FAM83B: variants seen among roughly 807,000 people sequenced by gnomAD.
FAM83B encodes protein FAM83B.
Under a neutral mutation model 38.8 loss-of-function variants are expected in FAM83B, and 26 were observed. That is an observed-to-expected ratio of 0.67 (90% confidence interval 0.49 to 0.93). FAM83B has a LOEUF of 0.93. Among genes scored for constraint, FAM83B ranks in the 40% least tolerant of loss-of-function variants. FAM83B has a pLI of 0.00. For missense variants in FAM83B, 1,237 were observed against 1,197.3 expected, an observed-to-expected ratio of 1.03 and a Z score of -0.49; for synonymous variants, 419 against 423.1, an observed-to-expected ratio of 0.99 and a Z score of 0.12.
chr6:54,912,820 A>G (rs2127584986), intron 2 of FAM83B, among the ~76,000 whole-genome samples: 1 of 152,120 alleles, frequency 6.6e-6, no homozygotes, highest in South Asian at 2.1e-4. Flanking sequence ...TGCATAATTT[A>G]CGGAAGCTAT....
intron 2 of FAM83B, among the ~76,000 whole-genome samples, chr6:54,906,174 A>G (rs1320305268): frequency 3.9e-5 from 6 of 152,114 alleles, no homozygotes. Flanking sequence ...GGCATTTTCA[A>G]AGGACCACAA....
chr6:54,934,429 G>A lies in FAM83B; in HGVS notation c.735-5277G>A, dbSNP rs958362340. Among the ~76,000 whole-genome samples the A allele has an allele frequency of 3.3e-5, 5 of 152,220 alleles. 1 individual carries two copies. The highest frequency in any genetic ancestry group is 3.3e-4 in the Admixed American group (5 of 15,264). ...GACTGGGGACCTGGCAACTTTACAG[G>A]AGAATCCCCGACTATCAATATAAAT... On this transcript the variant is annotated intron_variant, in intron 4 of 4. Transcript: ENST00000306858.
At position 54,940,105 on chromosome 6, in the gene FAM83B, T is replaced by C. The variant is rs1333660931; in HGVS notation, c.1134T>C (p.Asn378=). ...ACGCAATACGTCAGTTTCAACCCAA[T>C]CAGATAAATGAAAATTGGAAAAGGC... is the stretch of plus-strand genomic sequence containing the variant. ...GPNAIRQFQP[N]QINENWKRHS... Residue 378 remains asparagine, a synonymous_variant, in exon 5 of 5, where the codon AAT becomes AAC. Transcript: ENST00000306858. The C allele has an allele frequency of 2.5e-6, 4 of 1,613,884 alleles. No individual in the cohort carries two copies. Among genetic ancestry groups the C allele is most frequent in the Non-Finnish European group, 3.4e-6 (4 of 1,180,006 alleles).
At chr6:54,888,793 C>G (rs1772337477) in intron 2 of FAM83B, among the ~76,000 whole-genome samples, 1 of 151,760 alleles carries the variant, frequency 6.6e-6, no homozygotes, top group African/African-American at 2.4e-5. Flanking sequence ...AGTTTTCCTG[C>G]TGTTTTGGAA....
intron 2 of FAM83B, among the ~76,000 whole-genome samples, chr6:54,914,915 T>C (rs1219880604): frequency 6.6e-6 from 1 of 152,188 alleles, no homozygotes; most frequent in Non-Finnish European, 1.5e-5. Context: ...CACCAAAATA[T>C]GCCTTTTCAT....
intron 1 of FAM83B, among the ~76,000 whole-genome samples, chr6:54,869,174 GAATT>G (rs1163777508): frequency 6.6e-6 from 1 of 152,166 alleles, no homozygotes; most frequent in Non-Finnish European, 1.5e-5. Flanking sequence ...AGAAATTTCT[GAATT>G]ATCTTTCATG....
At chr6:54,883,883 C>T (rs6459034) in intron 2 of FAM83B, among the ~76,000 whole-genome samples, 97,926 of 151,740 alleles carry the variant, frequency 0.65, 33,537 homozygotes, top group East Asian at 0.88. Context: ...CAAAGAAATA[C>T]TTGCAGCTGA....
chr6:54,847,110 T>G (rs1771156607), intron 1 of FAM83B, among the ~76,000 whole-genome samples: 1 of 152,148 alleles, frequency 6.6e-6, no homozygotes, highest in Admixed American at 6.5e-5. Flanking sequence ...CGGAGTCGGT[T>G]TGGGTCCCCA....
rs147775708 is a variant in FAM83B, at chr6:54,940,317, C to A, written c.1346C>A (p.Ala449Glu). ...GCCCAGAGTTTTGCCAATCGGCTTG[C>A]GCAGAGAAAAACAACAAATCTTGCA... ...TPAQSFANRL[A>E]QRKTTNLADR... Residue 449 changes from alanine (A) to glutamate (E), a missense_variant, in exon 5 of 5, where the codon GCG (alanine) becomes GAG (glutamate). Coordinates refer to ENST00000306858, the MANE Select transcript of FAM83B (RefSeq NM_001010872.3). 2 of 1,613,876 alleles carry A rather than the reference C, an allele frequency of 1.2e-6. No individual in the cohort carries two copies. The highest frequency in any genetic ancestry group is 1.7e-6 in the Non-Finnish European group (2 of 1,180,004).
chr6:54,908,678 G>C (rs1195793353), intron 2 of FAM83B, among the ~76,000 whole-genome samples: 1 of 152,142 alleles, frequency 6.6e-6, no homozygotes, highest in Non-Finnish European at 1.5e-5. Flanking sequence ...CACCCAAATG[G>C]CAGTAACATG....
intron 1 of FAM83B, among the ~76,000 whole-genome samples, chr6:54,866,115 T>C (rs1771698978): frequency 6.6e-6 from 1 of 151,758 alleles, no homozygotes; most frequent in Admixed American, 6.6e-5. Context: ...GTGTAACTTG[T>C]CCAAGAGCTT....
At chr6:54,882,425 A>T (rs200995328) in intron 2 of FAM83B, among the ~76,000 whole-genome samples, 1 of 152,144 alleles carries the variant, frequency 6.6e-6, no homozygotes, top group African/African-American at 2.4e-5. Flanking sequence ...AGAGGTGAGG[A>T]ATAAAAAAAT....
rs115029833 is a variant in FAM83B, at chr6:54,929,824, A to G, written c.734+2192A>G. ...GTGTTTAGTGGAGCTGGGAGTAGACAGTTTTTTTTTAATCCATGAAAATAT... is the reference window on the plus strand; with the variant it reads ...GTGTTTAGTGGAGCTGGGAGTAGACGGTTTTTTTTTAATCCATGAAAATAT... On this transcript the variant is annotated intron_variant, in intron 4 of 4. Coordinates refer to ENST00000306858, the MANE Select transcript of FAM83B (RefSeq NM_001010872.3). Among the ~76,000 whole-genome samples, 1,177 of 152,136 alleles carry G rather than the reference A, an allele frequency of 7.7e-3. 8 individuals carry two copies. The highest frequency in any genetic ancestry group is 0.01 in the Middle Eastern group (3 of 294).
At chr6:54,868,978 T>G (rs2127574841) in intron 1 of FAM83B, among the ~76,000 whole-genome samples, 1 of 152,286 alleles carries the variant, frequency 6.6e-6, no homozygotes. Context: ...CATAAATCTG[T>G]ACCTTGAATC....
chr6:54,943,220 C>CCT lies in FAM83B; in HGVS notation c.*1213_*1214insCT, dbSNP rs1170709038. ...AGTTGTGCCAAATATGATATGACTG[C>CCT]ATAGTGTTTTTGTAAGAATACCATT... is the stretch of plus-strand genomic sequence containing the variant. On this transcript the variant is annotated 3_prime_UTR_variant, in exon 5 of 5. Coordinates refer to ENST00000306858, the MANE Select transcript of FAM83B (RefSeq NM_001010872.3). The CCT allele has an allele frequency of 1.3e-5, 2 of 152,108 alleles. No homozygotes were observed. Among genetic ancestry groups the CCT allele is most frequent in the African/African-American group, 4.8e-5 (2 of 41,426 alleles). 9.4% of individuals were successfully genotyped at this position (152,108 alleles called of 1,614,324 possible). A position where few individuals can be genotyped will look rare whatever the true frequency, so the allele number is the denominator to read the frequency against.
chr6:54,913,807 A>G (rs1387684075), intron 2 of FAM83B, among the ~76,000 whole-genome samples: 1 of 151,948 alleles, frequency 6.6e-6, no homozygotes, highest in Non-Finnish European at 1.5e-5. Flanking sequence ...CTTCCTTCGT[A>G]TCTCCCACTC....
chr6:54,940,430 A>G lies in FAM83B; in HGVS notation c.1459A>G (p.Thr487Ala), dbSNP rs773665194. 2.0e-5 allele frequency: 33 copies of G among 1,613,990 alleles called. No individual in the cohort carries two copies. Among genetic ancestry groups the G allele is most frequent in the Non-Finnish European group, 2.5e-5 (30 of 1,180,030 alleles). The change falls in exon 5 of 5, where the codon ACC (threonine) becomes GCC (alanine). Residue 487 changes from threonine (T) to alanine (A), a missense_variant. Thr to Ala is a moderately conservative substitution (Grantham distance 58). Transcript: ENST00000306858. ...LQQRMPTLEHTTKSFLRNWRI... is the reference protein window; with the variant it reads ...LQQRMPTLEHATKSFLRNWRI... ...ACAACGAATGCCAACCCTTGAACAT[A>G]CCACAAAGTCATTCCTACGTAACTG...
At chr6:54,896,810 A>G (rs954339084) in intron 2 of FAM83B, among the ~76,000 whole-genome samples, 2 of 152,240 alleles carry the variant, frequency 1.3e-5, no homozygotes, top group African/African-American at 2.4e-5. Flanking sequence ...GGAAAACAAC[A>G]AAGATAATTT....
intron 2 of FAM83B, among the ~76,000 whole-genome samples, chr6:54,872,744 C>T (rs867222034): frequency 6.6e-6 from 1 of 152,130 alleles, no homozygotes; most frequent in African/African-American, 2.4e-5. Context: ...GGTCACTGTC[C>T]GTTGAGGACT....
Sources: allele counts gnomAD v4.1 joint callset (sites outside exome capture counted in the v4.1 genomes callset), GRCh38; gene constraint gnomAD v4.1.1; transcripts MANE v1.5; gene names NCBI Gene and HGNC (gene_info 2026-07-23, HGNC 2026-07-21).